The following TJP1 variants were observed in gnomAD, a reference collection of about 807,000 sequenced individuals.
TJP1 encodes tight junction protein ZO-1.
Under a neutral mutation model 194.2 loss-of-function variants are expected in TJP1, and 43 were observed. That is an observed-to-expected ratio of 0.22 (90% CI 0.17 to 0.29). The LOEUF (loss-of-function observed/expected upper bound fraction) is 0.29. Ranked by LOEUF, TJP1 falls within the 10% of genes least tolerant of loss-of-function variation. TJP1 has a pLI of 1.00. For missense variants in TJP1, 1,971 were observed against 2,185.7 expected, an observed-to-expected ratio of 0.90 and a Z score of 1.96; for synonymous variants, 801 against 779.0, an observed-to-expected ratio of 1.03 and a Z score of -0.47.
intron 18 of TJP1, among the ~76,000 whole-genome samples, chr15:29,722,326 G>A (rs1462938793): frequency 6.6e-6 from 1 of 152,232 alleles, no homozygotes; most frequent in Non-Finnish European, 1.5e-5. Flanking sequence ...TGCAGCCTCA[G>A]GACATGGTGC....
At chr15:29,968,855 C>G in exon 1 of TJP1, 1 of 619,330 alleles carries the variant, frequency 1.6e-6, no homozygotes, top group Middle Eastern at 4.1e-4. Flanking sequence ...AGCTCTGGGC[C>G]ATCCGCCGCC....
chr15:29,915,762 A>T (rs1021976400), intron 2 of TJP1, among the ~76,000 whole-genome samples: 4 of 150,582 alleles, frequency 2.7e-5, no homozygotes, highest in African/African-American at 9.7e-5. Context: ...CATTTCAAAA[A>T]ACTTTTAAAA....
chr15:29,954,917 A>G (rs1033160459), intron 2 of TJP1, among the ~76,000 whole-genome samples: 1 of 152,028 alleles, frequency 6.6e-6, no homozygotes, highest in Non-Finnish European at 1.5e-5. Context: ...TGTCTCTACT[A>G]AAAATACAAA....
At chr15:29,885,139 G>A (rs1000410756) in intron 2 of TJP1, among the ~76,000 whole-genome samples, 4 of 152,138 alleles carry the variant, frequency 2.6e-5, no homozygotes, top group African/African-American at 9.7e-5. Flanking sequence ...CTCCTTTTCG[G>A]GTTCTGTTGT....
At chr15:29,860,306 C>T (rs926024357) in intron 2 of TJP1, among the ~76,000 whole-genome samples, 8 of 152,116 alleles carry the variant, frequency 5.3e-5, no homozygotes, top group Admixed American at 3.3e-4. Flanking sequence ...TTCCAGGGAG[C>T]AGAAAGTAAT....
rs1212705422 is a variant in TJP1, at chr15:29,719,906, C to A, written c.2874G>T (p.Glu958Asp). 6.2e-7 allele frequency: 1 copy of A among 1,614,028 alleles called. No homozygotes were observed. The highest frequency in any genetic ancestry group is 1.1e-5 in the South Asian group (1 of 91,064). The change falls in exon 20 of 28, where the codon GAG (glutamate) becomes GAT (aspartate). Residue 958 changes from glutamate to aspartate, a missense_variant. Transcript: ENST00000614355. ...NVNLTNVRLE[E>D]PTPAPSTSYS... is the part of the protein sequence containing the mutation. The stretch of plus-strand genomic sequence containing the variant: ...AAGAGGTGGAAGGAGCTGGGGTGGG[C>A]TCCTCCAGTCTGACATTAGTTAAAT...
chr15:29,871,602 G>A (rs927566775), intron 2 of TJP1, among the ~76,000 whole-genome samples: 2 of 152,244 alleles, frequency 1.3e-5, no homozygotes, highest in Non-Finnish European at 2.9e-5. Context: ...TAGTCACGTA[G>A]GAGACGGCCC....
At chr15:29,958,985 GTTTT>G (rs1229574239) in intron 1 of TJP1, among the ~76,000 whole-genome samples, 19 of 142,166 alleles carry the variant, frequency 1.3e-4, no homozygotes, top group African/African-American at 4.8e-4. Flanking sequence ...AAAGTAGCTA[GTTTT>G]TTTTTTTTGT....
exon 1 of TJP1, chr15:29,968,714 G>A: frequency 8.3e-7 from 1 of 1,208,798 alleles, no homozygotes; most frequent in Non-Finnish European, 1.1e-6. Flanking sequence ...TGGAGGGGGT[G>A]ACGCCGATGG....
chr15:29,877,108 T>C lies in TJP1; in HGVS notation c.307-76406A>G, dbSNP rs186590626. ...GCTAATGTTAACTAAATGAGGATGT[T>C]ACATTAATTAAAACTCATTGTTCTT... On this transcript the variant is annotated intron_variant, in intron 2 of 28. Coordinates refer to the TJP1 transcript ENST00000356107. Among the ~76,000 whole-genome samples, 168 of 152,380 alleles carry C rather than the reference T, an allele frequency of 1.1e-3. 1 individual carries two copies. Among genetic ancestry groups the C allele is most frequent in the African/African-American group, 3.9e-3 (164 of 41,590 alleles).
intron 2 of TJP1, among the ~76,000 whole-genome samples, chr15:29,890,124 C>A (rs1310259238): frequency 1.1e-4 from 16 of 152,160 alleles, no homozygotes; most frequent in Admixed American, 1.0e-3. Flanking sequence ...CACCATGGGC[C>A]AGAGAGTGGC....
At chr15:29,772,960 A>T (rs1284595221) in intron 3 of TJP1, among the ~76,000 whole-genome samples, 3 of 151,956 alleles carry the variant, frequency 2.0e-5, no homozygotes, top group African/African-American at 7.3e-5. Context: ...AGAGATGGGG[A>T]TCTCACTGCA....
At chr15:29,810,301 C>T (rs548036812) in intron 1 of TJP1, among the ~76,000 whole-genome samples, 1 of 152,166 alleles carries the variant, frequency 6.6e-6, no homozygotes, top group South Asian at 2.1e-4. Flanking sequence ...CATTATATTC[C>T]CCACATCCAC....
intron 2 of TJP1, among the ~76,000 whole-genome samples, chr15:29,848,906 GT>G (rs931614212): frequency 3.3e-5 from 5 of 151,610 alleles, no homozygotes; most frequent in Non-Finnish European, 5.9e-5. Context: ...ATTTTCTGTG[GT>G]TTTTTTTAAA....
At position 29,705,664 on chromosome 15, in the gene TJP1, C is replaced by T. The variant is rs761960403; in HGVS notation, c.4932G>A (p.Gly1644=). 4 of 1,614,042 alleles carry T rather than the reference C, an allele frequency of 2.5e-6. No individual in the cohort carries two copies. In the South Asian group the frequency reaches 3.3e-5, roughly 13 times the overall value. ...ATARGIFNSN[G]GVLSSIETGV... The stretch of plus-strand genomic sequence containing the variant: ...CAGTTTCTATGGAACTCAGCACGCC[C>T]CCATTGCTGTTAAATATGCCTCGGG... The change falls in exon 26 of 28, where the codon GGG becomes GGA. Residue 1644 remains glycine (G), a synonymous_variant. Transcript: ENST00000614355.
chr15:29,789,006 A>G (rs1323115689), intron 2 of TJP1, among the ~76,000 whole-genome samples: 1 of 152,230 alleles, frequency 6.6e-6, no homozygotes, highest in African/African-American at 2.4e-5. Context: ...GCTGACATTG[A>G]AAAGTGAACA....
intron 2 of TJP1, among the ~76,000 whole-genome samples, chr15:29,944,717 C>T (rs1307071686): frequency 6.6e-6 from 1 of 152,162 alleles, no homozygotes; most frequent in Non-Finnish European, 1.5e-5. Context: ...ATTTTACCTA[C>T]TTCAAATATT....
chr15:29,866,808 G>A (rs554734466), intron 2 of TJP1, among the ~76,000 whole-genome samples: 1 of 152,320 alleles, frequency 6.6e-6, no homozygotes, highest in East Asian at 1.9e-4. Flanking sequence ...GCTGGAGACC[G>A]AGCTGTCAGG....
At chr15:29,730,582 G>T in intron 15 of TJP1, 1 of 524,350 alleles carries the variant, frequency 1.9e-6, no homozygotes, top group South Asian at 1.5e-5. Context: ...GGGCAAGAGT[G>T]AGACTCTGTC....
Sources: gnomAD v4.1 joint callset for allele counts (sites outside exome capture counted in the v4.1 genomes callset) on GRCh38, gnomAD v4.1.1 for gene constraint, MANE v1.5 for transcripts, NCBI Gene and HGNC (gene_info 2026-07-23, HGNC 2026-07-21) for gene names.